VANGL2: variants seen among roughly 807,000 people sequenced by gnomAD.
VANGL2 encodes the protein vang-like protein 2.
In VANGL2, 14 loss-of-function variants were observed where a neutral mutation model predicts 50.2. The observed-to-expected ratio is 0.28, with a 90% CI of 0.18 to 0.44. VANGL2 has a LOEUF of 0.44. Ranked by LOEUF, VANGL2 falls within the 20% of genes least tolerant of loss-of-function variation. VANGL2 has a pLI of 1.00. For synonymous variants in VANGL2, 295 were observed against 297.2 expected (o/e 0.99, Z 0.08); for missense variants, 533 against 701.5 (o/e 0.76, Z 2.71).
At chr1:160,425,051 A>AC in intron 7 of VANGL2, 67 bp from the exon 8 acceptor site, 2 of 1,611,698 alleles carry the variant, frequency 1.2e-6, no homozygotes, top group Non-Finnish European at 1.7e-6. Context: ...GGAAACTATG[A>AC]CCTAGGGGAT....
At position 160,428,064 on chromosome 1, in the gene VANGL2, T is replaced by C. The variant is rs1356602256; in HGVS notation, c.*2686T>C. The C allele has an allele frequency of 6.5e-6, 1 of 152,768 alleles. No individual in the cohort carries two copies. The highest frequency in any genetic ancestry group is 6.5e-5 in the Admixed American group (1 of 15,272). The allele number at this position is 152,768 out of a possible 1,614,324, so 9.5% of individuals were successfully genotyped here. On this transcript the variant is annotated 3_prime_UTR_variant, in exon 8 of 8. Transcript: ENST00000368061. Reference sequence around the variant, plus strand: ...TTCTTATTTCCCTCTTGTCTCTCATTTTTTCTTCCCATTCCCCTCCCATTT... The same window carrying C: ...TTCTTATTTCCCTCTTGTCTCTCATCTTTTCTTCCCATTCCCCTCCCATTT...
Position 160,424,295 on chromosome 1 carries a change from C to T in VANGL2, c.1305+12C>T. On this transcript the variant is annotated intron_variant, in intron 7 of 7. Transcript: ENST00000368061. ...ACATGACGCCCAAGGTAGGCCTGCC[C>T]TGCTGCCAGCATCCTTCCTCCTTCC... is the stretch of plus-strand genomic sequence containing the variant. The T allele has an allele frequency of 6.2e-7, 1 of 1,612,350 alleles. No individual in the cohort carries two copies. Among genetic ancestry groups the T allele is most frequent in the Non-Finnish European group, 8.5e-7 (1 of 1,178,660 alleles).
In VANGL2 at chr1:160,425,476, T is replaced by A; in HGVS notation, c.*98T>A. On this transcript the variant is annotated 3_prime_UTR_variant, in exon 8 of 8. Transcript: ENST00000368061. ...CCAGCCACATTCCTGCCACCCTTCT[T>A]CTTCTTGCTCTTTTTTTTTTACTTG... is the stretch of plus-strand genomic sequence containing the variant. 1 of 995,210 alleles carries A rather than the reference T, an allele frequency of 1.0e-6. No homozygotes were observed. Among genetic ancestry groups the A allele is most frequent in the South Asian group, 1.7e-5 (1 of 58,888 alleles). The allele number at this position is 995,210 out of a possible 1,614,324, so 61.6% of individuals were successfully genotyped here.
intron 1 of VANGL2, among the ~76,000 whole-genome samples, chr1:160,413,860 G>A (rs533208164): frequency 2.0e-5 from 3 of 152,126 alleles, no homozygotes; most frequent in Non-Finnish European, 2.9e-5. Flanking sequence ...AGTCTGGCTC[G>A]TCTGACACCT....
intron 1 of VANGL2, among the ~76,000 whole-genome samples, chr1:160,409,107 A>AG (rs980333025): frequency 1.4e-4 from 21 of 152,142 alleles, no homozygotes; most frequent in African/African-American, 5.1e-4. Flanking sequence ...TGGTGAGAAG[A>AG]GGGGGCAGGA....
At chr1:160,423,949 G>A (rs568045536) in intron 6 of VANGL2, 103 bp from the exon 7 acceptor site, 1 of 1,295,126 alleles carries the variant, frequency 7.7e-7, no homozygotes, top group Non-Finnish European at 1.1e-6. Context: ...TGAGCACAAA[G>A]GCCTGACCTC....
chr1:160,418,236 A>G (rs570426127), intron 3 of VANGL2, among the ~76,000 whole-genome samples: 12 of 152,204 alleles, frequency 7.9e-5, no homozygotes, highest in Admixed American at 7.2e-4. Flanking sequence ...TCCAGAATTA[A>G]TGTTAATGTT....
chr1:160,422,336 T>G (rs1388865484), intron 6 of VANGL2, among the ~76,000 whole-genome samples: 1 of 152,224 alleles, frequency 6.6e-6, no homozygotes, highest in Non-Finnish European at 1.5e-5. Flanking sequence ...TCCAATCTCC[T>G]GTACTGCCAC....
intron 1 of VANGL2, among the ~76,000 whole-genome samples, chr1:160,413,725 A>G (rs1650964598): frequency 6.6e-6 from 1 of 151,902 alleles, no homozygotes; most frequent in South Asian, 2.1e-4. Context: ...TCCTCTGGAC[A>G]TGTCTACCTA....
rs1012178226 is a variant in VANGL2, at chr1:160,424,658, T to C, written c.1305+375T>C. On this transcript the variant is annotated intron_variant, in intron 7 of 7. Transcript: ENST00000368061. The stretch of plus-strand genomic sequence containing the variant: ...GAGCCATTGCCCACCTTCAACTCTA[T>C]TGCCAGCTTCCTAGAATTGCTTTCC... Among the ~76,000 whole-genome samples, 9 of 152,214 alleles carry C rather than the reference T, an allele frequency of 5.9e-5. No individual in the cohort carries two copies. The East Asian group carries it at 1.3e-3, about 23-fold the overall frequency.
chr1:160,419,315 G>T lies in VANGL2; in HGVS notation c.506G>T (p.Arg169Leu). 6.2e-7 allele frequency: 1 copy of T among 1,608,994 alleles called. No homozygotes were observed. ...LLLGSWALFF[R>L]RPKASLPRVF... ...CTGGGCAGCTGGGCTCTGTTCTTCC[G>T]CCGGCCCAAGGCCTCGCTGCCCCGC... Residue 169 changes from arginine (R) to leucine (L), a missense_variant, in exon 4 of 8, where the codon CGC becomes CTC. Coordinates refer to ENST00000368061, the MANE Select transcript of VANGL2 (RefSeq NM_020335.3). The surrounding 1 kb of genome is among the most constrained non-coding windows in gnomAD (Gnocchi z 5.8).
intron 3 of VANGL2, among the ~76,000 whole-genome samples, chr1:160,416,989 T>C (rs1651085966): frequency 6.6e-6 from 1 of 152,156 alleles, no homozygotes; most frequent in African/African-American, 2.4e-5. Context: ...AAGGAAATGT[T>C]CTTTTTCCCT....
chr1:160,412,100 T>G (rs1169462856), intron 1 of VANGL2, among the ~76,000 whole-genome samples: 1 of 152,210 alleles, frequency 6.6e-6, no homozygotes, highest in African/African-American at 2.4e-5. Flanking sequence ...ATCATTGTCT[T>G]CACTATTTTA....
In VANGL2 at chr1:160,427,176, C is replaced by G. The variant is rs536657408; in HGVS notation, c.*1798C>G. ...TATGTCCTGTTCTGGGGGTCTGTCTCTTTTCTTCTCTTCAAAAACTTTGTG... is the reference window on the plus strand; with the variant it reads ...TATGTCCTGTTCTGGGGGTCTGTCTGTTTTCTTCTCTTCAAAAACTTTGTG... On this transcript the variant is annotated 3_prime_UTR_variant, in exon 8 of 8. Transcript: ENST00000368061. The G allele has an allele frequency of 6.5e-6, 1 of 152,788 alleles. No homozygotes were observed. The highest frequency in any genetic ancestry group is 2.1e-4 in the South Asian group (1 of 4,824). The allele number at this position is 152,788 out of a possible 1,614,324, so 9.5% of individuals were successfully genotyped here.
At chr1:160,401,862 T>A (rs1484961282) in intron 1 of VANGL2, among the ~76,000 whole-genome samples, 4 of 151,902 alleles carry the variant, frequency 2.6e-5, no homozygotes, top group Admixed American at 2.0e-4. Flanking sequence ...TGGGAAGGGG[T>A]GTGAATCTGT....
At chr1:160,423,975 G>A in intron 6 of VANGL2, 77 bp from the exon 7 acceptor site, 1 of 1,521,372 alleles carries the variant, frequency 6.6e-7, no homozygotes, top group South Asian at 1.1e-5. Flanking sequence ...GGCTGCTGGA[G>A]TGTTGGAGCT....
rs5778163 is a variant in VANGL2 at position 160,425,486 on chromosome 1, CT to C, written c.*118del. 5,911 of 768,534 alleles carry C rather than the reference CT, an allele frequency of 7.7e-3. 2 individuals carry two copies. Among genetic ancestry groups the C allele is most frequent in the East Asian group, 0.014 (386 of 28,436 alleles). 47.6% of individuals were successfully genotyped at this position (768,534 alleles called of 1,614,324 possible). A position where few individuals can be genotyped will look rare whatever the true frequency, so the allele number is the denominator to read the frequency against. ...TCCTGCCACCCTTCTTCTTCTTGCT[CT>C]TTTTTTTTTACTTGAATTAACGCAC... On this transcript the variant is annotated 3_prime_UTR_variant, in exon 8 of 8. Transcript: ENST00000368061.
chr1:160,405,697 C>G (rs1650636063), intron 1 of VANGL2, among the ~76,000 whole-genome samples: 1 of 152,086 alleles, frequency 6.6e-6, no homozygotes, highest in South Asian at 2.1e-4. Flanking sequence ...CCCTGCCGCT[C>G]CACACACAGC....
At position 160,419,633 on chromosome 1, in the gene VANGL2, G is replaced by T. The variant is rs372108032; in HGVS notation, c.800+24G>T. 8 of 1,596,830 alleles carry T rather than the reference G, an allele frequency of 5.0e-6. No homozygotes were observed. In the African/African-American group the frequency reaches 5.3e-5, roughly 11 times the overall value. The stretch of plus-strand genomic sequence containing the variant: ...AGGTACTAGCCCACGGCTGGAGAAG[G>T]GTTGGGAGGGAAAGGGCATGGGAGG... On this transcript the variant is annotated intron_variant, in intron 4 of 7. Coordinates refer to ENST00000368061, the MANE Select transcript of VANGL2 (RefSeq NM_020335.3). The surrounding 1 kb of genome is among the most constrained non-coding windows in gnomAD (Gnocchi z 5.8).
Sources: gnomAD v4.1 joint callset for allele counts (sites outside exome capture counted in the v4.1 genomes callset) on GRCh38, gnomAD v4.1.1 for gene constraint, Gnocchi (gnomAD v3.1) non-coding constraint, MANE v1.5 for transcripts, NCBI Gene and HGNC (gene_info 2026-07-23, HGNC 2026-07-21) for gene names.